The following AOPEP variants were observed in gnomAD, a reference collection of about 807,000 sequenced individuals.
AOPEP encodes the protein aminopeptidase O (putative), also known as aminopeptidase O.
A neutral mutation model predicts 98.1 loss-of-function variants in AOPEP; 77 were observed. That is an observed-to-expected ratio of 0.78 (90% CI 0.65 to 0.95). The LOEUF (loss-of-function observed/expected upper bound fraction) is 0.95. Among genes scored for constraint, AOPEP ranks in the 40% least tolerant of loss-of-function variants. AOPEP has a pLI of 0.00. For missense variants in AOPEP, 1,024 were observed against 1,024.7 expected, an observed-to-expected ratio of 1.00 and a Z score of 0.01; for synonymous variants, 346 against 365.3, an observed-to-expected ratio of 0.95 and a Z score of 0.60.
At chr9:95,065,441 G>A (rs2067784311) in intron 14 of AOPEP, 1 of 152,272 alleles carries the variant, frequency 6.6e-6, no homozygotes, top group Admixed American at 6.5e-5. Flanking sequence ...GCACCATCTT[G>A]GTGATGTCCA....
chr9:94,964,313 A>G (rs931254764), intron 9 of AOPEP, among the ~76,000 whole-genome samples: 2 of 152,192 alleles, frequency 1.3e-5, no homozygotes, highest in African/African-American at 2.4e-5. Context: ...CAGGACAACC[A>G]TCTTCCTTCA....
chr9:95,116,510 G>A, the AOPEP span, among the ~76,000 whole-genome samples: 195 of 152,292 alleles, frequency 1.3e-3, no homozygotes, highest in African/African-American at 4.4e-3. Flanking sequence ...TCAGAAAAAA[G>A]GCAGGCCCAA....
At chr9:95,122,804 G>A in the AOPEP span, among the ~76,000 whole-genome samples, 1 of 152,188 alleles carries the variant, frequency 6.6e-6, no homozygotes, top group African/African-American at 2.4e-5. Flanking sequence ...ACTCCCCAGA[G>A]GCCCGTTCCT....
At chr9:94,780,920 A>G (rs1843105875) in intron 3 of AOPEP, among the ~76,000 whole-genome samples, 1 of 152,238 alleles carries the variant, frequency 6.6e-6, no homozygotes, top group Non-Finnish European at 1.5e-5. Flanking sequence ...GATAACAGCA[A>G]CAGAAATGAC....
At chr9:94,854,872 G>A (rs1409967080) in intron 5 of AOPEP, among the ~76,000 whole-genome samples, 1 of 152,120 alleles carries the variant, frequency 6.6e-6, no homozygotes, top group African/African-American at 2.4e-5. Context: ...CTACATATGA[G>A]TTAGGATGTT....
chr9:94,998,592 A>C (rs904430653), intron 11 of AOPEP, among the ~76,000 whole-genome samples: 3 of 152,210 alleles, frequency 2.0e-5, no homozygotes, highest in South Asian at 2.1e-4. Context: ...ATGTCATTTG[A>C]TCAGAACTTT....
In AOPEP at chr9:94,759,834, C is replaced by G; in HGVS notation, c.51C>G (p.Asn17Lys). ...PARDDLPLMA[N>K]TSHILVKHYV... The stretch of plus-strand genomic sequence containing the variant: ...GAGATGACCTGCCTCTCATGGCCAA[C>G]ACCAGCCACATACTTGTGAAGCACT... Residue 17 changes from asparagine (N) to lysine (K), a missense_variant, in exon 2 of 17, where the codon AAC (asparagine) becomes AAG (lysine). By Grantham distance (94) the Asn-to-Lys change is moderately conservative. Around this residue, in one of 3 missense-constraint regions of AOPEP, gnomAD observed 440 missense variants for 433.8 expected, o/e 1.01. Transcript: ENST00000375315. The G allele has an allele frequency of 6.2e-7, 1 of 1,614,118 alleles. No individual in the cohort carries two copies. Among genetic ancestry groups the G allele is most frequent in the Non-Finnish European group, 8.5e-7 (1 of 1,180,028 alleles).
chr9:94,943,551 G>A (rs1404749898), intron 7 of AOPEP, among the ~76,000 whole-genome samples: 2 of 147,194 alleles, frequency 1.4e-5, no homozygotes, highest in East Asian at 2.0e-4. Flanking sequence ...CTGAGATCGT[G>A]CCCCTGCACT....
At chr9:94,909,292 G>T (rs117481592) in intron 5 of AOPEP, among the ~76,000 whole-genome samples, 3 of 136,340 alleles carry the variant, frequency 2.2e-5, no homozygotes, top group African/African-American at 8.2e-5. Context: ...TTTTCTTTCC[G>T]CCAGGCTTTT....
chr9:95,118,271 G>A, the AOPEP span, among the ~76,000 whole-genome samples: 2 of 152,132 alleles, frequency 1.3e-5, no homozygotes, highest in African/African-American at 4.8e-5. Flanking sequence ...CACCTGCCTC[G>A]GCCTCCCAAA....
chr9:95,094,955 G>A, the AOPEP span, among the ~76,000 whole-genome samples: 1 of 152,218 alleles, frequency 6.6e-6, no homozygotes, highest in South Asian at 2.1e-4. Flanking sequence ...CTAAGGCTGA[G>A]GACCATCCTG....
intron 12 of AOPEP, 65 bp downstream of exon 12, chr9:95,005,285 G>A: frequency 1.1e-6 from 1 of 879,026 alleles, no homozygotes; most frequent in Non-Finnish European, 1.4e-6. Flanking sequence ...GCTGGCGAGA[G>A]GCCCTGGCTC....
At chr9:94,866,205 T>G (rs7848054) in intron 5 of AOPEP, among the ~76,000 whole-genome samples, 6,805 of 152,254 alleles carry the variant, frequency 0.045, 428 homozygotes, top group African/African-American at 0.14. Context: ...GCGTGCCCTT[T>G]TCAAGTTTCT....
rs548856249 is a variant in AOPEP at position 94,980,899 on chromosome 9, G to A, written c.1977+1472G>A. On this transcript the variant is annotated intron_variant, in intron 11 of 16. Transcript: ENST00000375315. This position sits in a 1 kb window ranked among gnomAD's most constrained non-coding sequence, Gnocchi z 4.3. ...ACCAACCCTTTTCCTTCATGTTTCAGATGGGAGTGCAGGTGGTGGGGGACA... is the reference window on the plus strand; with the variant it reads ...ACCAACCCTTTTCCTTCATGTTTCAAATGGGAGTGCAGGTGGTGGGGGACA... Among the ~76,000 whole-genome samples, 1 of 152,324 alleles carries A rather than the reference G, an allele frequency of 6.6e-6. No individual in the cohort carries two copies. The highest frequency in any genetic ancestry group is 2.4e-5 in the African/African-American group (1 of 41,572).
chr9:95,100,375 T>C, the AOPEP span: 18 of 231,730 alleles, frequency 7.8e-5, no homozygotes, highest in Admixed American at 5.1e-4. Flanking sequence ...AGTGGATCTA[T>C]TAGCATTGCC....
chr9:94,935,861 A>G (rs2056191348), intron 7 of AOPEP, among the ~76,000 whole-genome samples: 2 of 152,100 alleles, frequency 1.3e-5, no homozygotes, highest in African/African-American at 2.4e-5. Flanking sequence ...CTTACTGATC[A>G]TCCCCTCTAC....
chr9:94,885,841 A>G (rs993532120), intron 5 of AOPEP, among the ~76,000 whole-genome samples: 2 of 152,192 alleles, frequency 1.3e-5, no homozygotes, highest in African/African-American at 2.4e-5. Context: ...AGCTTTCTGT[A>G]TGAAAAGTAT....
At chr9:95,111,975 C>T in the AOPEP span, among the ~76,000 whole-genome samples, 1 of 152,202 alleles carries the variant, frequency 6.6e-6, no homozygotes, top group African/African-American at 2.4e-5. Context: ...CGGCACACCT[C>T]CCTGCCTTCT....
chr9:94,855,528 A>G (rs2044083152), intron 5 of AOPEP, among the ~76,000 whole-genome samples: 1 of 152,104 alleles, frequency 6.6e-6, no homozygotes, highest in African/African-American at 2.4e-5. Context: ...GTCTCTACTG[A>G]AAATACAAGT....
Sources: allele counts gnomAD v4.1 joint callset (sites outside exome capture counted in the v4.1 genomes callset), GRCh38; gene constraint gnomAD v4.1.1; regional missense constraint gnomAD v4.1.1; non-coding constraint Gnocchi (gnomAD v3.1); transcripts MANE v1.5; gene names NCBI Gene and HGNC (gene_info 2026-07-23, HGNC 2026-07-21).